CALY: variants seen among roughly 807,000 people sequenced by gnomAD.
The protein encoded by CALY is neuron-specific vesicular protein calcyon.
Under a neutral mutation model 20.2 loss-of-function variants are expected in CALY, and 15 were observed. The observed-to-expected ratio is 0.74, with a 90% CI of 0.50 to 1.14. The LOEUF (loss-of-function observed/expected upper bound fraction) is 1.14. Ranked by LOEUF, CALY falls within the 50% of genes most tolerant of loss-of-function variation. The pLI is 0.00. For missense variants in CALY, 270 were observed against 304.4 expected (o/e 0.89, Z 0.84); for synonymous variants, 129 against 131.8 (o/e 0.98, Z 0.15).
rs933549884 is a variant in CALY at position 133,324,178 on chromosome 10, C to T, written c.*1417G>A. ...GCCCCGGGCCCCCCTCCCTTGCAGG[C>T]CATCAGGGCCAATTCAGTTCTGCGT... is the stretch of plus-strand genomic sequence containing the variant. On this transcript the variant is annotated 3_prime_UTR_variant, in exon 6 of 6. Transcript: ENST00000252939. 5.9e-6 allele frequency: 2 copies of T among 339,596 alleles called. No homozygotes were observed. Among genetic ancestry groups the T allele is most frequent in the Admixed American group, 3.9e-5 (1 of 25,564 alleles). The allele number at this position is 339,596 out of a possible 1,614,324, so 21.0% of individuals were successfully genotyped here. A position where few individuals can be genotyped will look rare whatever the true frequency, so the allele number is the denominator to read the frequency against.
chr10:133,336,126 G>A (rs1848438167), intron 1 of CALY, among the ~76,000 whole-genome samples: 1 of 152,098 alleles, frequency 6.6e-6, no homozygotes, highest in African/African-American at 2.4e-5. Flanking sequence ...GGGCGCCACC[G>A]CAGCCTCCCG....
intron 3 of CALY, chr10:133,327,591 G>T: frequency 1.7e-6 from 1 of 591,636 alleles, no homozygotes; most frequent in Non-Finnish European, 3.0e-6. Context: ...TAGAAAGCCC[G>T]TAAGTCACTG....
At chr10:133,332,129 GAAAA>G (rs34950354) in intron 1 of CALY, among the ~76,000 whole-genome samples, 1 of 147,118 alleles carries the variant, frequency 6.8e-6, no homozygotes, top group Non-Finnish European at 1.5e-5. Context: ...CTCCGTCTGG[GAAAA>G]AAAAAAAAAA....
At chr10:133,326,776 C>CG in intron 4 of CALY, 102 bp downstream of exon 4, 1 of 712,844 alleles carries the variant, frequency 1.4e-6, no homozygotes, top group Non-Finnish European at 2.5e-6. Flanking sequence ...CTTTGGAGAC[C>CG]ACGTTCCCCC....
chr10:133,328,625 G>A (rs1027506311), intron 2 of CALY, among the ~76,000 whole-genome samples: 1 of 152,234 alleles, frequency 6.6e-6, no homozygotes, highest in African/African-American at 2.4e-5. Context: ...GAGTCAGTGC[G>A]TGAATTCTCG....
At chr10:133,335,907 G>C (rs1848433204) in intron 1 of CALY, among the ~76,000 whole-genome samples, 3 of 152,176 alleles carry the variant, frequency 2.0e-5, no homozygotes, top group Admixed American at 1.3e-4. Flanking sequence ...CGTGCAGATG[G>C]ACAGATGGAT....
Position 133,328,938 on chromosome 10 carries a change from C to T in CALY, c.52G>A (p.Asp18Asn). ...CTGTCCATGGCAGCCCCATCCTGGTCCCCAGGGTCTTTACCTGGCTTCCCA... is the reference window on the plus strand; with the variant it reads ...CTGTCCATGGCAGCCCCATCCTGGTTCCCAGGGTCTTTACCTGGCTTCCCA... ...FSGKPGKDPG[D>N]QDGAAMDSVP... The change falls in exon 2 of 6, where the codon GAC becomes AAC. Residue 18 changes from aspartate to asparagine, a missense_variant. Transcript: ENST00000252939. The T allele has an allele frequency of 6.4e-7, 1 of 1,562,398 alleles. No individual in the cohort carries two copies. The highest frequency in any genetic ancestry group is 8.7e-7 in the Non-Finnish European group (1 of 1,152,460).
chr10:133,328,028 A>T lies in CALY; in HGVS notation c.136-13T>A, dbSNP rs774491785. The stretch of plus-strand genomic sequence containing the variant: ...TCTTGATGACCACCTGTGAAAAGAG[A>T]TGGCCATGGCCTCAGTAGGCAGCTG... On this transcript the variant is annotated splice_polypyrimidine_tract_variant and intron_variant, in intron 2 of 5. Transcript: ENST00000252939. The T allele has an allele frequency of 1.2e-5, 19 of 1,529,362 alleles. No homozygotes were observed. Among genetic ancestry groups the T allele is most frequent in the Non-Finnish European group, 1.5e-5 (17 of 1,108,690 alleles). The allele number at this position is 1,529,362 out of a possible 1,614,324, so 94.7% of individuals were successfully genotyped here.
chr10:133,326,834 G>T (rs372411264), intron 4 of CALY, 44 bp downstream of exon 4: 5 of 1,331,974 alleles, frequency 3.8e-6, no homozygotes, highest in African/African-American at 2.9e-5. Flanking sequence ...GCTACGGGAG[G>T]AGGGGCGGCT....
Position 133,324,973 on chromosome 10 carries a change from T to C in CALY, c.*622A>G, listed in dbSNP as rs1402778199. Reference sequence around the variant, plus strand: ...CTTTCTTCACTTGGTCATTTATGCCTGTGGGCCACACATCTAGGAGGCAGG... The same window carrying C: ...CTTTCTTCACTTGGTCATTTATGCCCGTGGGCCACACATCTAGGAGGCAGG... On this transcript the variant is annotated 3_prime_UTR_variant, in exon 6 of 6. Transcript: ENST00000252939. 5.9e-5 allele frequency: 11 copies of C among 188,008 alleles called. No individual in the cohort carries two copies. The South Asian group carries it at 8.8e-4, about 15-fold the overall frequency. 11.6% of individuals were successfully genotyped at this position (188,008 alleles called of 1,614,324 possible).
chr10:133,335,791 C>T (rs1848430505), intron 1 of CALY, among the ~76,000 whole-genome samples: 1 of 152,236 alleles, frequency 6.6e-6, no homozygotes, highest in Non-Finnish European at 1.5e-5. Flanking sequence ...CCCCTGCGCC[C>T]CACCCGCCGC....
At chr10:133,327,028 G>A in intron 3 of CALY, 37 bp from the exon 4 acceptor site, 1 of 1,455,738 alleles carries the variant, frequency 6.9e-7, no homozygotes. Flanking sequence ...GCCACGCCAG[G>A]CAGGGGCGGT....
At chr10:133,330,752 A>G (rs1004115320) in intron 1 of CALY, among the ~76,000 whole-genome samples, 1 of 149,102 alleles carries the variant, frequency 6.7e-6, no homozygotes, top group African/African-American at 2.5e-5. Context: ...CCAACCATTT[A>G]CAGGGAAAGT....
intron 1 of CALY, among the ~76,000 whole-genome samples, chr10:133,335,819 G>C (rs1458639439): frequency 2.0e-5 from 3 of 152,188 alleles, no homozygotes; most frequent in Non-Finnish European, 2.9e-5. Flanking sequence ...CAGGGAGGCA[G>C]TGCCCGGCTC....
At chr10:133,327,581 T>C (rs1439010614) in intron 3 of CALY, 3 of 589,644 alleles carry the variant, frequency 5.1e-6, no homozygotes, top group South Asian at 2.1e-5. Flanking sequence ...AAGTATTACA[T>C]AGAAAGCCCG....
chr10:133,336,319 T>C (rs1848441800), intron 1 of CALY, among the ~76,000 whole-genome samples: 1 of 152,112 alleles, frequency 6.6e-6, no homozygotes, highest in African/African-American at 2.4e-5. Flanking sequence ...CCCGGCCTCC[T>C]GGCCACCTCT....
chr10:133,328,255 G>T (rs972817364), intron 2 of CALY, among the ~76,000 whole-genome samples: 8 of 152,216 alleles, frequency 5.3e-5, no homozygotes, highest in African/African-American at 1.7e-4. Context: ...CTGGGCTGCT[G>T]ACAGAGCCCC....
intron 1 of CALY, among the ~76,000 whole-genome samples, chr10:133,331,399 A>C (rs1848304826): frequency 6.6e-6 from 1 of 152,244 alleles, no homozygotes; most frequent in Non-Finnish European, 1.5e-5. Flanking sequence ...GACAAATCAT[A>C]AGGATCAAAA....
In CALY at chr10:133,324,370, C is replaced by T. The variant is rs1263594017; in HGVS notation, c.*1225G>A. 6.6e-6 allele frequency: 3 copies of T among 455,788 alleles called. No homozygotes were observed. The highest frequency in any genetic ancestry group is 1.4e-4 in the East Asian group (2 of 14,350). 28.2% of individuals were successfully genotyped at this position (455,788 alleles called of 1,614,324 possible). Reference sequence around the variant, plus strand: ...GCACTGCCGCTGTTCCAAAGCAGGCCAGTCCCACTGAGCTGGGAAGCTGCC... The same window carrying T: ...GCACTGCCGCTGTTCCAAAGCAGGCTAGTCCCACTGAGCTGGGAAGCTGCC... On this transcript the variant is annotated 3_prime_UTR_variant, in exon 6 of 6. Transcript: ENST00000252939.
Sources: gnomAD v4.1 joint callset for allele counts (sites outside exome capture counted in the v4.1 genomes callset) on GRCh38, gnomAD v4.1.1 for gene constraint, MANE v1.5 for transcripts, NCBI Gene and HGNC (gene_info 2026-07-23, HGNC 2026-07-21) for gene names.